The following CAPRIN1 variants were observed in gnomAD, a reference collection of about 807,000 sequenced individuals.
The protein encoded by CAPRIN1 is cell cycle associated protein 1, also known as caprin-1.
CAPRIN1 carries 29 observed loss-of-function variants against 100.9 expected under a neutral mutation model. That is an observed-to-expected ratio of 0.29 (90% CI 0.21 to 0.39). The LOEUF is 0.39. Ranked by LOEUF, CAPRIN1 falls within the 10% of genes least tolerant of loss-of-function variation. The pLI is 1.00. For synonymous variants in CAPRIN1, 338 were observed against 307.5 expected, an observed-to-expected ratio of 1.10 and a Z score of -1.04; for missense variants, 795 against 876.7, an observed-to-expected ratio of 0.91 and a Z score of 1.18.
At position 34,100,309 on chromosome 11, in the gene CAPRIN1, CAT is replaced by C. The variant is rs1394829090; in HGVS notation, c.*943_*944del. 2 of 152,146 alleles carry C rather than the reference CAT, an allele frequency of 1.3e-5. No individual in the cohort carries two copies. The highest frequency in any genetic ancestry group is 2.9e-5 in the Non-Finnish European group (2 of 68,012). 9.4% of individuals were successfully genotyped at this position (152,146 alleles called of 1,614,324 possible). On this transcript the variant is annotated 3_prime_UTR_variant, in exon 19 of 19. Coordinates refer to ENST00000341394, the MANE Select transcript of CAPRIN1 (RefSeq NM_005898.5). ...TGGATAATCATAACACTCTCGGTCACATGTTTTTCCTTCAGCTTGAAAGCTTT... is the reference window on the plus strand; with the variant it reads ...TGGATAATCATAACACTCTCGGTCACGTTTTTCCTTCAGCTTGAAAGCTTT...
chr11:34,059,546 A>G (rs551998084), intron 2 of CAPRIN1, among the ~76,000 whole-genome samples: 9 of 152,250 alleles, frequency 5.9e-5, no homozygotes, highest in African/African-American at 2.2e-4. Context: ...TGACATTTTT[A>G]TATTGCCTTG....
rs1189709588 is a variant in CAPRIN1 at position 34,092,017 on chromosome 11, G to A, written c.1666G>A (p.Val556Ile). The A allele has an allele frequency of 1.9e-6, 3 of 1,613,990 alleles. No homozygotes were observed. In the African/African-American group the frequency reaches 4.0e-5, roughly 22 times the overall value. The change falls in exon 15 of 19, where the codon GTA (valine) becomes ATA (isoleucine). Residue 556 changes from valine to isoleucine, a missense_variant. Around this residue, in one of 3 missense-constraint regions of CAPRIN1, gnomAD observed 648 missense variants for 697.9 expected, o/e 0.93. Coordinates refer to ENST00000341394, the MANE Select transcript of CAPRIN1 (RefSeq NM_005898.5). ...NQSFSSQPHQ[V>I]EQTELQQEQL... ...GAGCTTTTCTAGTCAGCCTCACCAA[G>A]TAGAACAAACAGAGCTTCAGCAAGA...
chr11:34,062,868 A>G (rs1005882072), intron 2 of CAPRIN1, among the ~76,000 whole-genome samples: 3 of 152,076 alleles, frequency 2.0e-5, no homozygotes, highest in Non-Finnish European at 4.4e-5. Flanking sequence ...CTGGAAAGCC[A>G]AGTTAGTTTT....
chr11:34,090,583 G>A lies in CAPRIN1; in HGVS notation c.1459G>A (p.Ala487Thr), dbSNP rs1156783443. 3.7e-6 allele frequency: 6 copies of A among 1,613,962 alleles called. No homozygotes were observed. Among genetic ancestry groups the A allele is most frequent in the Admixed American group, 3.3e-5 (2 of 59,998 alleles). The change falls in exon 14 of 19, where the codon GCG becomes ACG. Residue 487 changes from alanine to threonine, a missense_variant. This residue lies in a region of CAPRIN1 where 648 missense variants were observed against 697.9 expected (regional missense o/e 0.93). Transcript: ENST00000341394. The stretch of plus-strand genomic sequence containing the variant: ...TACAGCATCATCATCCCTTCCTGCT[G>A]CGTCTCAGCCTCAAGTATTTCAGGC... ...QTTASSSLPAASQPQVFQAGT... is the reference protein window; with the variant it reads ...QTTASSSLPATSQPQVFQAGT...
intron 2 of CAPRIN1, chr11:34,063,151 C>T (rs948887457): frequency 7.9e-5 from 12 of 152,108 alleles, no homozygotes; most frequent in Non-Finnish European, 1.5e-4. Flanking sequence ...AAGAAAGTAA[C>T]TTTGGTGGTG....
intron 4 of CAPRIN1, among the ~76,000 whole-genome samples, chr11:34,073,137 A>G (rs539198433): frequency 1.1e-4 from 16 of 152,330 alleles, no homozygotes; most frequent in African/African-American, 3.1e-4. Flanking sequence ...TGCTGAAACA[A>G]AAAAGTTTAT....
At chr11:34,052,682 C>T in intron 2 of CAPRIN1, 46 bp downstream of exon 2, 1 of 1,545,856 alleles carries the variant, frequency 6.5e-7, no homozygotes, top group Non-Finnish European at 8.8e-7. Context: ...CGGCCGGGCT[C>T]TGCGGCCCCT....
At chr11:34,076,097 T>G in intron 4 of CAPRIN1, 139 bp from the exon 5 acceptor site, 1 of 621,660 alleles carries the variant, frequency 1.6e-6, no homozygotes, top group Non-Finnish European at 2.8e-6. Context: ...TATTTGTAAG[T>G]CAGGAATCAT....
At chr11:34,093,091 A>G (rs185388435) in intron 15 of CAPRIN1, among the ~76,000 whole-genome samples, 11 of 149,654 alleles carry the variant, frequency 7.4e-5, no homozygotes, top group African/African-American at 7.4e-5. Context: ...CTGATCTCCA[A>G]CTCCTTGCCT....
At chr11:34,069,153 T>C (rs1346859952) in intron 2 of CAPRIN1, among the ~76,000 whole-genome samples, 1 of 147,114 alleles carries the variant, frequency 6.8e-6, no homozygotes, top group African/African-American at 2.5e-5. Context: ...CTTATTTAGT[T>C]TTTTTTTTTT....
chr11:34,094,641 A>G (rs1437418741), intron 15 of CAPRIN1, among the ~76,000 whole-genome samples: 14 of 152,022 alleles, frequency 9.2e-5, no homozygotes, highest in African/African-American at 2.4e-5. Flanking sequence ...TAAAATAAAT[A>G]CAGAAATTAG....
At chr11:34,081,873 G>A (rs1851038172) in intron 7 of CAPRIN1, among the ~76,000 whole-genome samples, 2 of 152,024 alleles carry the variant, frequency 1.3e-5, no homozygotes, top group African/African-American at 4.8e-5. Flanking sequence ...GTGCAGTGGC[G>A]CGATCTCAGC....
chr11:34,068,569 A>G (rs1032136640), intron 2 of CAPRIN1, among the ~76,000 whole-genome samples: 4 of 152,216 alleles, frequency 2.6e-5, no homozygotes, highest in Non-Finnish European at 5.9e-5. Context: ...GTCCTACTAT[A>G]GGATAGTATA....
Position 34,068,362 on chromosome 11 carries a change from T to C in CAPRIN1, c.217-3364T>C, listed in dbSNP as rs554711806. On this transcript the variant is annotated intron_variant, in intron 2 of 18. Transcript: ENST00000341394. ...TACAGTACTCTTGGTTGAAGCTCAC[T>C]CAAGTACAATGGCAGGGGAAGTAGA... Among the ~76,000 whole-genome samples the C allele has an allele frequency of 2.6e-5, 4 of 152,304 alleles. No homozygotes were observed. The South Asian group carries it at 6.2e-4, about 24-fold the overall frequency.
At chr11:34,065,020 C>T (rs942690495) in intron 2 of CAPRIN1, among the ~76,000 whole-genome samples, 6 of 129,882 alleles carry the variant, frequency 4.6e-5, no homozygotes, top group African/African-American at 1.2e-4. Flanking sequence ...AGTGCAGGGG[C>T]GCTATCTCGG....
intron 9 of CAPRIN1, among the ~76,000 whole-genome samples, chr11:34,085,587 A>G (rs1851122614): frequency 6.6e-6 from 1 of 152,126 alleles, no homozygotes; most frequent in Admixed American, 6.6e-5. Context: ...GTGGGTCACA[A>G]GGTCAGGAGT....
intron 4 of CAPRIN1, among the ~76,000 whole-genome samples, chr11:34,073,188 C>G (rs952166147): frequency 2.6e-5 from 4 of 152,208 alleles, no homozygotes; most frequent in Non-Finnish European, 5.9e-5. Context: ...AGATCAGATT[C>G]TAGAAACAGA....
intron 7 of CAPRIN1, among the ~76,000 whole-genome samples, chr11:34,080,097 G>T (rs1271328589): frequency 2.0e-5 from 3 of 151,666 alleles, no homozygotes; most frequent in Non-Finnish European, 2.9e-5. Context: ...CTATTTTTTT[G>T]AATTTTTAGT....
At chr11:34,070,513 A>G (rs1489568288) in intron 2 of CAPRIN1, among the ~76,000 whole-genome samples, 4 of 151,022 alleles carry the variant, frequency 2.6e-5, no homozygotes, top group East Asian at 3.9e-4. Flanking sequence ...TCCCACCTCA[A>G]CCTCCCAAGT....
Sources: gnomAD v4.1 joint callset for allele counts (sites outside exome capture counted in the v4.1 genomes callset) on GRCh38, gnomAD v4.1.1 for gene constraint, gnomAD v4.1.1 regional missense constraint, MANE v1.5 for transcripts, NCBI Gene and HGNC (gene_info 2026-07-23, HGNC 2026-07-21) for gene names.